The following TBC1D16 variants were observed in gnomAD, a reference collection of about 807,000 sequenced individuals.
TBC1D16 encodes TBC1 domain family member 16.
Under a neutral mutation model 74.7 loss-of-function variants are expected in TBC1D16, and 58 were observed. That is an observed-to-expected ratio of 0.78 (90% CI 0.63 to 0.97). The LOEUF is 0.97. Among genes scored for constraint, TBC1D16 ranks in the 50% least tolerant of loss-of-function variants. The pLI is 0.00. For synonymous variants in TBC1D16, 493 were observed against 474.7 expected (o/e 1.04, Z -0.50); for missense variants, 1,014 against 1,079.5 (o/e 0.94, Z 0.85).
In TBC1D16 at chr17:79,994,843, C is replaced by T. The variant is rs1308236587; in HGVS notation, c.779+15317G>A. ...ACGTGGTCTAGGTGTAAAGTACACG[C>T]GAAATTCCCAGGACTTGGTAAACAG... is the stretch of plus-strand genomic sequence containing the variant. On this transcript the variant is annotated intron_variant, in intron 3 of 11. Transcript: ENST00000310924. The surrounding 1 kb of genome is among the most constrained non-coding windows in gnomAD (Gnocchi z 4.6). 3.9e-5 allele frequency among the ~76,000 whole-genome samples: 6 copies of T among 152,160 alleles called. No homozygotes were observed. The highest frequency in any genetic ancestry group is 7.3e-5 in the Non-Finnish European group (5 of 68,034).
chr17:79,967,038 C>T (rs77850508), intron 3 of TBC1D16, among the ~76,000 whole-genome samples: 4,781 of 152,112 alleles, frequency 0.031, 252 homozygotes, highest in African/African-American at 0.11. Context: ...AAACTAAAAA[C>T]GGAAAGGAAC....
intron 6 of TBC1D16, 107 bp from the exon 7 acceptor site, chr17:79,949,972 A>T: frequency 7.5e-7 from 1 of 1,338,736 alleles, no homozygotes. Context: ...GCCTTGATTC[A>T]GATCTCTGCA....
chr17:80,026,360 G>A (rs12951886), intron 1 of TBC1D16, among the ~76,000 whole-genome samples: 18,026 of 150,034 alleles, frequency 0.12, 1,569 homozygotes, highest in East Asian at 0.25. Context: ...GGGAGGCAGA[G>A]GTGGCAGTGA....
At position 79,939,896 on chromosome 17, in the gene TBC1D16, C is replaced by A. The variant is rs1052509605; in HGVS notation, c.*963G>T. 9 of 152,170 alleles carry A rather than the reference C, an allele frequency of 5.9e-5. No individual in the cohort carries two copies. Among genetic ancestry groups the A allele is most frequent in the African/African-American group, 2.2e-4 (9 of 41,428 alleles). 9.4% of individuals were successfully genotyped at this position (152,170 alleles called of 1,614,324 possible). On this transcript the variant is annotated 3_prime_UTR_variant, in exon 12 of 12. Transcript: ENST00000310924. ...TCCAGGTGTCCTTGTCTTGGTTGGT[C>A]AGCTAATACACTACCACGTCCCTGG...
chr17:79,966,347 A>G (rs2033842598), intron 3 of TBC1D16, among the ~76,000 whole-genome samples: 1 of 152,182 alleles, frequency 6.6e-6, no homozygotes, highest in Non-Finnish European at 1.5e-5. Flanking sequence ...CCAGGTGGAC[A>G]TGAATTTGAG....
intron 3 of TBC1D16, among the ~76,000 whole-genome samples, chr17:79,968,260 A>AT (rs2033921786): frequency 6.6e-6 from 1 of 152,174 alleles, no homozygotes; most frequent in African/African-American, 2.4e-5. Context: ...TCCCAAAGGG[A>AT]TTATAGGCAT....
rs1488258371 is a variant in TBC1D16, at chr17:80,035,270, A to G, written c.-63+525T>C. ...TTTTTCCCAAAGGAAAGAACAAGGG[A>G]GCCCAGGCGGAACGGAAGTGAGTAT... On this transcript the variant is annotated intron_variant, in intron 1 of 11. Coordinates refer to ENST00000310924, the MANE Select transcript of TBC1D16 (RefSeq NM_019020.4). This position sits in a 1 kb window ranked among gnomAD's most constrained non-coding sequence, Gnocchi z 5.3. Among the ~76,000 whole-genome samples the G allele has an allele frequency of 1.4e-5, 2 of 146,206 alleles. No individual in the cohort carries two copies. The highest frequency in any genetic ancestry group is 5.1e-5 in the African/African-American group (2 of 39,132).
chr17:79,990,904 C>T lies in TBC1D16; in HGVS notation c.779+19256G>A, dbSNP rs1187638524. ...CGTCCTCAACTCATCCGTGTTGCGGCGCGTGTCAGAATTGCCTTCCCAAGG... is the reference window on the plus strand; with the variant it reads ...CGTCCTCAACTCATCCGTGTTGCGGTGCGTGTCAGAATTGCCTTCCCAAGG... On this transcript the variant is annotated intron_variant, in intron 3 of 11. Transcript: ENST00000310924. The surrounding 1 kb of genome is among the most constrained non-coding windows in gnomAD (Gnocchi z 4.8). Among the ~76,000 whole-genome samples, 1 of 152,222 alleles carries T rather than the reference C, an allele frequency of 6.6e-6. No individual in the cohort carries two copies. The highest frequency in any genetic ancestry group is 1.5e-5 in the Non-Finnish European group (1 of 68,042).
At chr17:80,003,485 C>T (rs1253633993) in intron 3 of TBC1D16, among the ~76,000 whole-genome samples, 2 of 152,346 alleles carry the variant, frequency 1.3e-5, no homozygotes, top group East Asian at 3.9e-4. Flanking sequence ...GTGACCAGCT[C>T]GCCCTGGAGG....
At chr17:79,998,638 C>T (rs2035368093) in intron 3 of TBC1D16, among the ~76,000 whole-genome samples, 1 of 151,614 alleles carries the variant, frequency 6.6e-6, no homozygotes, top group Non-Finnish European at 1.5e-5. Flanking sequence ...AGCCACCGCA[C>T]CCGGCCCAGA....
chr17:79,936,263 A>T lies in TBC1D16; in HGVS notation c.*4596T>A, dbSNP rs1275976190. 6.6e-6 allele frequency: 1 copy of T among 152,274 alleles called. No individual in the cohort carries two copies. Among genetic ancestry groups the T allele is most frequent in the Non-Finnish European group, 1.5e-5 (1 of 68,060 alleles). 9.4% of individuals were successfully genotyped at this position (152,274 alleles called of 1,614,324 possible). On this transcript the variant is annotated 3_prime_UTR_variant, in exon 12 of 12. Transcript: ENST00000310924. ...GAGAGGCTCGCCCTCGGCGGAGGACACACAGCTGGGTGGGCGTGTGGGAGT... is the reference window on the plus strand; with the variant it reads ...GAGAGGCTCGCCCTCGGCGGAGGACTCACAGCTGGGTGGGCGTGTGGGAGT...
chr17:80,020,372 T>A (rs2036244431), intron 1 of TBC1D16, among the ~76,000 whole-genome samples: 1 of 149,540 alleles, frequency 6.7e-6, no homozygotes, highest in African/African-American at 2.6e-5. Flanking sequence ...TCACCTGAGA[T>A]CAGGAGTTCA....
chr17:79,968,032 A>G lies in TBC1D16; in HGVS notation c.780-15214T>C, dbSNP rs140581825. On this transcript the variant is annotated intron_variant, in intron 3 of 11. Coordinates refer to ENST00000310924, the MANE Select transcript of TBC1D16 (RefSeq NM_019020.4). ...TTTTGAGACAGGGTCTCACTCTGTC[A>G]CTCAGGCTACAGTGCAGTGGCGAGA... is the stretch of plus-strand genomic sequence containing the variant. Among the ~76,000 whole-genome samples, 152 of 152,350 alleles carry G rather than the reference A, an allele frequency of 1.0e-3. No homozygotes were observed. In the Middle Eastern group the frequency reaches 0.014, roughly 14 times the overall value.
At position 79,950,364 on chromosome 17, in the gene TBC1D16, TC is replaced by T; in HGVS notation, c.1257+46del. 1 of 1,538,846 alleles carries T rather than the reference TC, an allele frequency of 6.5e-7. No homozygotes were observed. Among genetic ancestry groups the T allele is most frequent in the Non-Finnish European group, 8.7e-7 (1 of 1,145,688 alleles). ...TCCTTCCCTCTCGCTCGTTCCCGGT[TC>T]CCGGCCGGCTCTCCGCGGGGCCAGC... On this transcript the variant is annotated intron_variant, in intron 6 of 11. Transcript: ENST00000310924. The surrounding 1 kb of genome is among the most constrained non-coding windows in gnomAD (Gnocchi z 4.6).
In TBC1D16 at chr17:79,948,939, C is replaced by T. The variant is rs1171265311; in HGVS notation, c.1474G>A (p.Val492Met). The T allele has an allele frequency of 6.2e-7, 1 of 1,614,160 alleles. No individual in the cohort carries two copies. The highest frequency in any genetic ancestry group is 8.5e-7 in the Non-Finnish European group (1 of 1,180,024). The change falls in exon 8 of 12, where the codon GTG (valine) becomes ATG (methionine). Residue 492 changes from valine (V) to methionine (M), a missense_variant. Transcript: ENST00000310924. ...TGGTTGTTCCGATCTGTCCGGACCA[C>T]GTCTTTGTCCACAGTGAACTGCACA... ...RNVQFTVDKD[V>M]VRTDRNNQFF...
chr17:79,942,293 T>A (rs1044319651), intron 10 of TBC1D16, 87 bp from the exon 11 acceptor site: 4 of 1,415,118 alleles, frequency 2.8e-6, no homozygotes, highest in Non-Finnish European at 3.8e-6. Flanking sequence ...AGGGTGCGAG[T>A]GAGGGCTCCA....
intron 1 of TBC1D16, among the ~76,000 whole-genome samples, chr17:80,025,181 ATACC>A (rs1461578014): frequency 7.5e-6 from 1 of 134,206 alleles, no homozygotes; most frequent in African/African-American, 2.9e-5. Flanking sequence ...AGACACACAC[ATACC>A]ATGACACACA....
intron 2 of TBC1D16, among the ~76,000 whole-genome samples, chr17:80,011,686 C>A (rs575015657): frequency 2.6e-5 from 4 of 151,976 alleles, no homozygotes; most frequent in Admixed American, 2.0e-4. Flanking sequence ...ATTAGCCGGG[C>A]GTGATGGTGG....
chr17:79,965,884 G>C (rs561252292), intron 3 of TBC1D16, among the ~76,000 whole-genome samples: 1 of 152,234 alleles, frequency 6.6e-6, no homozygotes, highest in Non-Finnish European at 1.5e-5. Flanking sequence ...TCCATAGATG[G>C]GCACTGAGCC....
Sources: gnomAD v4.1 joint callset for allele counts (sites outside exome capture counted in the v4.1 genomes callset) on GRCh38, gnomAD v4.1.1 for gene constraint, Gnocchi (gnomAD v3.1) non-coding constraint, MANE v1.5 for transcripts, NCBI Gene and HGNC (gene_info 2026-07-23, HGNC 2026-07-21) for gene names.